The following GCNT2 variants were observed in gnomAD, a reference collection of about 807,000 sequenced individuals.
GCNT2 encodes N-acetyllactosaminide beta-1,6-N-acetylglucosaminyl-transferase.
Under a neutral mutation model 34.2 loss-of-function variants are expected in GCNT2, and 34 were observed. The observed-to-expected ratio is 1.00, with a 90% CI of 0.76 to 1.32. GCNT2 has a LOEUF of 1.32. GCNT2 is among the 40% of genes most tolerant of loss of function. The probability of loss-of-function intolerance (pLI) is 0.00; values close to 1 mark genes in which losing one functional copy is unlikely to be tolerated. For synonymous variants in GCNT2, 212 were observed against 188.0 expected, an observed-to-expected ratio of 1.13 and a Z score of -1.04; for missense variants, 584 against 489.4, an observed-to-expected ratio of 1.19 and a Z score of -1.82.
chr6:10,573,520 A>AC (rs1174733099), intron 3 of GCNT2, among the ~76,000 whole-genome samples: 1 of 152,218 alleles, frequency 6.6e-6, no homozygotes, highest in Non-Finnish European at 1.5e-5. Context: ...TCACAGACAG[A>AC]GAAGCCATAG....
At chr6:10,625,390 A>G (rs577102450) in intron 4 of GCNT2, among the ~76,000 whole-genome samples, 1 of 152,274 alleles carries the variant, frequency 6.6e-6, no homozygotes, top group African/African-American at 2.4e-5. Context: ...GTCAACCAGC[A>G]ATTGTCCTGT....
intron 3 of GCNT2, among the ~76,000 whole-genome samples, chr6:10,551,858 A>G (rs6901427): frequency 0.044 from 6,717 of 152,016 alleles, 464 homozygotes; most frequent in African/African-American, 0.15. Flanking sequence ...CCCAGGTTCA[A>G]GCGATTCTCC....
At chr6:10,589,140 T>A (rs990761224) in intron 3 of GCNT2, among the ~76,000 whole-genome samples, 1 of 143,258 alleles carries the variant, frequency 7.0e-6, no homozygotes, top group Non-Finnish European at 1.5e-5. Context: ...GGTGTGGTTA[T>A]GTGGTGTGGG....
chr6:10,586,179 A>G lies in GCNT2; in HGVS notation c.926-35172A>G, dbSNP rs534268079. 20 of 1,614,196 alleles carry G rather than the reference A, an allele frequency of 1.2e-5. 1 individual carries two copies. In the Middle Eastern group the frequency reaches 4.9e-4, roughly 40 times the overall value. ...AATGCCAGTCTTTTTGTGGGAAAAT[A>G]TATTACCATCACCTTTGCGAAGTGT... On this transcript the variant is annotated intron_variant, in intron 3 of 4. Coordinates refer to ENST00000495262, the MANE Select transcript of GCNT2 (RefSeq NM_145649.5).
At chr6:10,609,442 G>A (rs1334762157) in intron 3 of GCNT2, among the ~76,000 whole-genome samples, 2 of 152,208 alleles carry the variant, frequency 1.3e-5, no homozygotes, top group Non-Finnish European at 2.9e-5. Context: ...GTCCATTCAT[G>A]ATGTCAGAGC....
chr6:10,546,433 C>A (rs1762272749), intron 3 of GCNT2, among the ~76,000 whole-genome samples: 2 of 151,990 alleles, frequency 1.3e-5, no homozygotes, highest in African/African-American at 4.8e-5. Context: ...CCGAGGTGGG[C>A]GGATCATGAG....
intron 3 of GCNT2, among the ~76,000 whole-genome samples, chr6:10,533,831 G>A (rs1020208206): frequency 8.1e-5 from 10 of 123,004 alleles, no homozygotes; most frequent in African/African-American, 2.9e-4. Context: ...AAAAAAGAAT[G>A]TATTTTATTT....
chr6:10,567,260 G>T (rs1763323787), intron 3 of GCNT2, among the ~76,000 whole-genome samples: 1 of 152,184 alleles, frequency 6.6e-6, no homozygotes, highest in Admixed American at 6.5e-5. Flanking sequence ...AGGAGTTGGA[G>T]ACCAGCCTGG....
chr6:10,552,503 T>TC (rs1434178371), intron 3 of GCNT2, among the ~76,000 whole-genome samples: 2 of 152,028 alleles, frequency 1.3e-5, no homozygotes, highest in African/African-American at 4.8e-5. Flanking sequence ...TTTTTTTTTT[T>TC]CTTGGCATTA....
At chr6:10,607,865 TGA>T (rs1446760854) in intron 3 of GCNT2, among the ~76,000 whole-genome samples, 2 of 152,126 alleles carry the variant, frequency 1.3e-5, no homozygotes, top group East Asian at 3.9e-4. Flanking sequence ...ACTCTAATTT[TGA>T]GATAGGGAAA....
chr6:10,530,000 G>A lies in GCNT2; in HGVS notation c.925+164G>A, dbSNP rs1561779063. 9.4e-6 allele frequency: 6 copies of A among 635,114 alleles called. No individual in the cohort carries two copies. The South Asian group carries it at 9.5e-5, about 10-fold the overall frequency. The allele number at this position is 635,114 out of a possible 1,614,324, so 39.3% of individuals were successfully genotyped here. Reference sequence around the variant, plus strand: ...CTGTAAAATGGTAAAATGGAGATGTGTTATATCACCCACTCTTGTGAACCG... The same window carrying A: ...CTGTAAAATGGTAAAATGGAGATGTATTATATCACCCACTCTTGTGAACCG... On this transcript the variant is annotated intron_variant, in intron 3 of 4. Transcript: ENST00000495262.
At chr6:10,543,254 A>T (rs1762117360) in intron 3 of GCNT2, among the ~76,000 whole-genome samples, 1 of 150,356 alleles carries the variant, frequency 6.7e-6, no homozygotes. Flanking sequence ...CCCAGGCTGA[A>T]GTTCGGTGGC....
chr6:10,620,869 A>G (rs1205563579), intron 3 of GCNT2, among the ~76,000 whole-genome samples: 2 of 152,128 alleles, frequency 1.3e-5, no homozygotes, highest in African/African-American at 4.8e-5. Context: ...ATCTGCAGAC[A>G]TTTTTGGTTG....
chr6:10,538,006 G>C (rs1761852349), intron 3 of GCNT2, among the ~76,000 whole-genome samples: 1 of 152,106 alleles, frequency 6.6e-6, no homozygotes, highest in Non-Finnish European at 1.5e-5. Flanking sequence ...CATCATGAGA[G>C]AGTATCCTAC....
intron 3 of GCNT2, among the ~76,000 whole-genome samples, chr6:10,547,440 G>A (rs932488985): frequency 1.3e-5 from 2 of 152,192 alleles, no homozygotes; most frequent in African/African-American, 4.8e-5. Flanking sequence ...TTCTCAGTCT[G>A]TCTTTGTCTT....
intron 3 of GCNT2, among the ~76,000 whole-genome samples, chr6:10,576,798 A>G (rs756547501): frequency 1.3e-5 from 2 of 152,188 alleles, no homozygotes; most frequent in Non-Finnish European, 1.5e-5. Flanking sequence ...AAGAAGCCGG[A>G]TACAGTGGCT....
At chr6:10,616,776 C>A (rs1765785787) in intron 3 of GCNT2, among the ~76,000 whole-genome samples, 1 of 151,874 alleles carries the variant, frequency 6.6e-6, no homozygotes, top group African/African-American at 2.4e-5. Context: ...TTTACAATCC[C>A]TTAGCTAGAC....
chr6:10,612,503 G>A (rs1207324607), intron 3 of GCNT2, among the ~76,000 whole-genome samples: 18 of 152,112 alleles, frequency 1.2e-4, no homozygotes, highest in Admixed American at 8.5e-4. Flanking sequence ...TCCAAATGTC[G>A]ATAATGCTGA....
In GCNT2 at chr6:10,626,748, T is replaced by C; in HGVS notation, c.*141T>C. 1.5e-6 allele frequency: 1 copy of C among 680,200 alleles called. No individual in the cohort carries two copies. Among genetic ancestry groups the C allele is most frequent in the South Asian group, 1.6e-5 (1 of 61,700 alleles). 42.1% of individuals were successfully genotyped at this position (680,200 alleles called of 1,614,324 possible). On this transcript the variant is annotated 3_prime_UTR_variant, in exon 5 of 5. Coordinates refer to ENST00000495262, the MANE Select transcript of GCNT2 (RefSeq NM_145649.5). ...TCAGGACCTGGCTACGTAATTATAC[T>C]TAAAATATCCACTGGACACTGTGAA...
Sources: allele counts gnomAD v4.1 joint callset (sites outside exome capture counted in the v4.1 genomes callset), GRCh38; gene constraint gnomAD v4.1.1; transcripts MANE v1.5; gene names NCBI Gene and HGNC (gene_info 2026-07-23, HGNC 2026-07-21).